Variants in MAF observed in about 807,000 individuals in gnomAD.
The protein encoded by MAF is transcription factor Maf.
In MAF, 10 loss-of-function variants were observed where a neutral mutation model predicts 22.0. The ratio of observed to expected loss-of-function variants is 0.45; its 90% CI spans 0.28 to 0.77. MAF has a LOEUF of 0.77. Ranked by LOEUF, MAF falls within the 30% of genes least tolerant of loss-of-function variation. The probability of loss-of-function intolerance (pLI) is 0.12; values close to 1 mark genes in which losing one functional copy is unlikely to be tolerated. For synonymous variants in MAF, 337 were observed against 255.8 expected (o/e 1.32, Z -3.03); for missense variants, 544 against 548.4 (o/e 0.99, Z 0.08).
At chr16:79,255,048 A>G in the MAF span, among the ~76,000 whole-genome samples, 3 of 152,156 alleles carry the variant, frequency 2.0e-5, no homozygotes, top group African/African-American at 4.8e-5. Flanking sequence ...CTTGCCTACC[A>G]CTGTTCACCG....
the MAF span, among the ~76,000 whole-genome samples, chr16:79,401,618 G>C: frequency 6.6e-6 from 1 of 152,094 alleles, no homozygotes; most frequent in African/African-American, 2.4e-5. Context: ...AGAAAGAAAT[G>C]ATGCCAGGGT....
the MAF span, among the ~76,000 whole-genome samples, chr16:79,526,466 G>A: frequency 6.6e-6 from 1 of 152,166 alleles, no homozygotes; most frequent in Non-Finnish European, 1.5e-5. Flanking sequence ...CTTACTTCCT[G>A]CTGTGCAGCC....
At chr16:79,390,067 G>A in the MAF span, among the ~76,000 whole-genome samples, 5 of 150,664 alleles carry the variant, frequency 3.3e-5, no homozygotes, top group Admixed American at 2.0e-4. Flanking sequence ...CACATGGCAT[G>A]TGTGAGCATC....
At chr16:79,339,122 C>T in the MAF span, among the ~76,000 whole-genome samples, 3 of 151,856 alleles carry the variant, frequency 2.0e-5, no homozygotes, top group Non-Finnish European at 4.4e-5. Flanking sequence ...CAGGCTGGAG[C>T]GCAGTGGCAC....
the MAF span, among the ~76,000 whole-genome samples, chr16:79,251,600 G>A: frequency 2.0e-5 from 3 of 151,360 alleles, no homozygotes; most frequent in South Asian, 2.1e-4. Context: ...GAGCCACTGC[G>A]CCAGGCCTAA....
chr16:79,551,418 T>C, the MAF span, among the ~76,000 whole-genome samples: 1 of 152,228 alleles, frequency 6.6e-6, no homozygotes, highest in African/African-American at 2.4e-5. Context: ...GGGTAATTTA[T>C]GGAAGCAATA....
the MAF span, chr16:79,205,420 T>A: frequency 3.9e-5 from 6 of 152,326 alleles, no homozygotes; most frequent in African/African-American, 1.4e-4. Flanking sequence ...TTTTTCCTTG[T>A]GGCAAAAGAT....
the MAF span, among the ~76,000 whole-genome samples, chr16:79,312,594 C>T: frequency 6.6e-6 from 1 of 152,230 alleles, no homozygotes; most frequent in Admixed American, 6.5e-5. Flanking sequence ...CCTTCTAGCT[C>T]TTACAGTGTA....
the MAF span, among the ~76,000 whole-genome samples, chr16:79,485,421 A>T: frequency 3.3e-5 from 5 of 151,990 alleles, no homozygotes; most frequent in Non-Finnish European, 7.4e-5. Context: ...TTATTTATTT[A>T]TTTTTTACAC....
the MAF span, among the ~76,000 whole-genome samples, chr16:79,221,745 G>A: frequency 1.4e-4 from 21 of 150,036 alleles, no homozygotes; most frequent in Non-Finnish European, 1.9e-4. Flanking sequence ...GTACGTATAC[G>A]TGATTGTGTG....
chr16:79,506,804 G>C, the MAF span, among the ~76,000 whole-genome samples: 2 of 152,140 alleles, frequency 1.3e-5, no homozygotes, highest in African/African-American at 4.8e-5. Context: ...AAGAGAGATG[G>C]GGAGTAGACT....
the MAF span, among the ~76,000 whole-genome samples, chr16:79,476,994 C>T: frequency 1.3e-5 from 2 of 152,136 alleles, no homozygotes; most frequent in African/African-American, 2.4e-5. Flanking sequence ...AAGTGCCATC[C>T]ACACCTGCCA....
chr16:79,525,129 C>G, the MAF span, among the ~76,000 whole-genome samples: 1 of 151,978 alleles, frequency 6.6e-6, no homozygotes, highest in Non-Finnish European at 1.5e-5. Context: ...TTTTTTTTCC[C>G]TGTGAGCTAA....
chr16:79,458,433 G>A, the MAF span, among the ~76,000 whole-genome samples: 1 of 152,018 alleles, frequency 6.6e-6, no homozygotes, highest in Non-Finnish European at 1.5e-5. Flanking sequence ...TATTTCATGA[G>A]GAGTCATTTT....
the MAF span, among the ~76,000 whole-genome samples, chr16:79,259,556 A>G: frequency 0.1 from 15,364 of 152,258 alleles, 938 homozygotes; most frequent in Middle Eastern, 0.15. Context: ...AAGAATATGC[A>G]GGGCACGTAG....
At chr16:79,423,094 A>C in the MAF span, among the ~76,000 whole-genome samples, 1 of 152,208 alleles carries the variant, frequency 6.6e-6, no homozygotes, top group Non-Finnish European at 1.5e-5. Context: ...AGGGTTGCCA[A>C]GTAAAATACA....
chr16:79,409,005 T>C, the MAF span, among the ~76,000 whole-genome samples: 19 of 139,668 alleles, frequency 1.4e-4, no homozygotes, highest in African/African-American at 5.0e-4. Flanking sequence ...TCAAATTGCG[T>C]GTGTCCCCAC....
At chr16:79,552,559 C>T in the MAF span, among the ~76,000 whole-genome samples, 3 of 152,140 alleles carry the variant, frequency 2.0e-5, no homozygotes, top group Non-Finnish European at 4.4e-5. Context: ...TTTATCTTTT[C>T]GTAAGTCTCA....
the MAF span, among the ~76,000 whole-genome samples, chr16:79,264,836 C>T: frequency 3.5e-3 from 539 of 152,230 alleles, 4 homozygotes; most frequent in African/African-American, 0.012. Context: ...TTCCTGCCTT[C>T]GTCATACTTT....
Sources: gnomAD v4.1 joint callset for allele counts (sites outside exome capture counted in the v4.1 genomes callset) on GRCh38, gnomAD v4.1.1 for gene constraint, MANE v1.5 for transcripts, NCBI Gene and HGNC (gene_info 2026-07-23, HGNC 2026-07-21) for gene names.